The following ETFA variants were observed in gnomAD, a reference collection of about 807,000 sequenced individuals.
ETFA encodes the protein electron transfer flavoprotein subunit alpha.
Under a neutral mutation model 46.2 loss-of-function variants are expected in ETFA, and 22 were observed. The observed-to-expected ratio is 0.48, with a 90% confidence interval of 0.34 to 0.68. The LOEUF is 0.68. ETFA is among the 30% of genes least tolerant of loss of function. The pLI is 0.01. For missense variants in ETFA, 345 were observed against 401.1 expected (o/e 0.86, Z 1.19); for synonymous variants, 131 against 139.9 (o/e 0.94, Z 0.45).
At chr15:76,299,595 T>G (rs999516901) in intron 1 of ETFA, among the ~76,000 whole-genome samples, 2 of 152,170 alleles carry the variant, frequency 1.3e-5, no homozygotes, top group Non-Finnish European at 2.9e-5. Context: ...TGATGTTTCT[T>G]AAACTGCCAA....
At chr15:76,254,489 G>C (rs575092360) in intron 9 of ETFA, among the ~76,000 whole-genome samples, 1 of 152,192 alleles carries the variant, frequency 6.6e-6, no homozygotes, top group Non-Finnish European at 1.5e-5. Context: ...AACGTATTCA[G>C]TGTCTGTACA....
intron 9 of ETFA, among the ~76,000 whole-genome samples, chr15:76,264,485 G>GA (rs2039450679): frequency 1.3e-5 from 2 of 152,128 alleles, no homozygotes; most frequent in South Asian, 4.1e-4. Flanking sequence ...GTTACAGGGG[G>GA]AAAAATATCC....
chr15:76,244,759 C>G (rs1235157362), intron 9 of ETFA, among the ~76,000 whole-genome samples: 1 of 152,056 alleles, frequency 6.6e-6, no homozygotes, highest in Non-Finnish European at 1.5e-5. Context: ...ACGACAAAGA[C>G]TGCTGTCTAC....
Position 76,274,235 on chromosome 15 carries a change from G to A in ETFA, c.816+177C>T, listed in dbSNP as rs564332696. The A allele has an allele frequency of 2.1e-3, 1,260 of 611,880 alleles. 3 individuals carry two copies. Among genetic ancestry groups the A allele is most frequent in the Non-Finnish European group, 2.6e-3 (875 of 338,866 alleles). 37.9% of individuals were successfully genotyped at this position (611,880 alleles called of 1,614,324 possible). ...ATAAGCTGGATTTAAGAACTGCTGGGCATTTTACTAGGATCAAGAACTACA... is the reference window on the plus strand; with the variant it reads ...ATAAGCTGGATTTAAGAACTGCTGGACATTTTACTAGGATCAAGAACTACA... On this transcript the variant is annotated intron_variant, in intron 9 of 11. Coordinates refer to ENST00000557943, the MANE Select transcript of ETFA (RefSeq NM_000126.4).
At chr15:76,270,896 A>T (rs980329560) in intron 9 of ETFA, among the ~76,000 whole-genome samples, 1 of 152,178 alleles carries the variant, frequency 6.6e-6, no homozygotes, top group African/African-American at 2.4e-5. Context: ...TTGGCCGGGC[A>T]TAGTGGCTCA....
At chr15:76,288,920 C>CT (rs35295593) in intron 4 of ETFA, among the ~76,000 whole-genome samples, 12,117 of 110,036 alleles carry the variant, frequency 0.11, 967 homozygotes, top group Middle Eastern at 0.2. Context: ...TCTTCTTCTT[C>CT]TTTTTTTTTT....
chr15:76,251,020 TAAAAA>T (rs751883642), intron 9 of ETFA, among the ~76,000 whole-genome samples: 1 of 151,516 alleles, frequency 6.6e-6, no homozygotes, highest in African/African-American at 2.4e-5. Context: ...AACTTTTAAA[TAAAAA>T]GAAAAGAATG....
Position 76,287,905 on chromosome 15 carries a change from G to A in ETFA, c.392C>T (p.Pro131Leu), listed in dbSNP as rs1323414196. The change falls in exon 5 of 12, where the codon CCG becomes CTG. Residue 131 changes from proline (P) to leucine (L), a missense_variant. By Grantham distance (98) the Pro-to-Leu change is moderately conservative. Transcript: ENST00000557943. ...CTTGATTGCAATGATGTCAGAAATC[G>A]GGGCAACCTCAAGTTTGGCTGCTAC... is the stretch of plus-strand genomic sequence containing the variant. The part of the protein sequence containing the change: ...PRVAAKLEVA[P>L]ISDIIAIKSP... 8.1e-6 allele frequency: 13 copies of A among 1,613,774 alleles called. No homozygotes were observed. The highest frequency in any genetic ancestry group is 1.6e-4 in the Middle Eastern group (1 of 6,082).
Position 76,246,690 on chromosome 15 carries a change from G to A in ETFA, c.817-15292C>T, listed in dbSNP as rs571482918. Reference sequence around the variant, plus strand: ...ACTAAAAATACAAAAAAAATTAGCCGGGCGTGGTGGCAGGCACCTGTAGTC... The same window carrying A: ...ACTAAAAATACAAAAAAAATTAGCCAGGCGTGGTGGCAGGCACCTGTAGTC... On this transcript the variant is annotated intron_variant, in intron 9 of 11. Coordinates refer to ENST00000557943, the MANE Select transcript of ETFA (RefSeq NM_000126.4). Among the ~76,000 whole-genome samples, 273 of 152,052 alleles carry A rather than the reference G, an allele frequency of 1.8e-3. 3 individuals carry two copies. The highest frequency in any genetic ancestry group is 6.3e-3 in the African/African-American group (262 of 41,506).
intron 1 of ETFA, among the ~76,000 whole-genome samples, chr15:76,309,368 G>T (rs543981492): frequency 1.3e-5 from 2 of 152,244 alleles, no homozygotes; most frequent in African/African-American, 4.8e-5. Flanking sequence ...GGAGAATGGC[G>T]TGAACCCGGG....
intron 8 of ETFA, among the ~76,000 whole-genome samples, chr15:76,279,119 A>C (rs2039623642): frequency 6.6e-6 from 1 of 152,074 alleles, no homozygotes; most frequent in Non-Finnish European, 1.5e-5. Flanking sequence ...AAATCCCTCA[A>C]AAAGTTATCT....
intron 1 of ETFA, among the ~76,000 whole-genome samples, chr15:76,299,864 T>C (rs2039863547): frequency 6.6e-6 from 1 of 152,206 alleles, no homozygotes; most frequent in Non-Finnish European, 1.5e-5. Flanking sequence ...TTCCCAGTCA[T>C]GTCTCCAGCT....
chr15:76,293,088 G>T (rs1161978296), intron 2 of ETFA, among the ~76,000 whole-genome samples: 1 of 152,212 alleles, frequency 6.6e-6, no homozygotes, highest in African/African-American at 2.4e-5. Flanking sequence ...AGTGAGCCAA[G>T]ATCACACCAC....
chr15:76,283,915 C>CT, intron 7 of ETFA, 90 bp from the exon 8 acceptor site: 1 of 879,502 alleles, frequency 1.1e-6, no homozygotes, highest in Non-Finnish European at 1.9e-6. Flanking sequence ...AGTAAATTTT[C>CT]ATATTATGTA....
In ETFA at chr15:76,293,138, A is replaced by G. The variant is rs576875459; in HGVS notation, c.187-438T>C. 2.0e-5 allele frequency among the ~76,000 whole-genome samples: 3 copies of G among 152,286 alleles called. No individual in the cohort carries two copies. In the South Asian group the frequency reaches 6.2e-4, roughly 32 times the overall value. On this transcript the variant is annotated intron_variant, in intron 2 of 11. Coordinates refer to ENST00000557943, the MANE Select transcript of ETFA (RefSeq NM_000126.4). ...GGCGAAAGAGTGAAACTCCATCTCA[A>G]ACAAACAAAGAATTAAAATATTAAA... is the stretch of plus-strand genomic sequence containing the variant.
chr15:76,275,511 T>C (rs2039582130), intron 8 of ETFA, among the ~76,000 whole-genome samples: 1 of 152,224 alleles, frequency 6.6e-6, no homozygotes, highest in Non-Finnish European at 1.5e-5. Context: ...GTGGGTTTCT[T>C]GTAGACACCA....
intron 9 of ETFA, among the ~76,000 whole-genome samples, chr15:76,231,634 A>G (rs1037208243): frequency 6.6e-6 from 1 of 152,194 alleles, no homozygotes; most frequent in African/African-American, 2.4e-5. Flanking sequence ...AATGAGGATT[A>G]CTGAACATTT....
At chr15:76,267,711 AGCTTTATT>A (rs2039485455) in intron 9 of ETFA, among the ~76,000 whole-genome samples, 3 of 152,258 alleles carry the variant, frequency 2.0e-5, no homozygotes, top group Admixed American at 1.3e-4. Flanking sequence ...AATTGCATTT[AGCTTTATT>A]AACATTAAAG....
At chr15:76,251,185 G>A (rs1035184498) in intron 9 of ETFA, among the ~76,000 whole-genome samples, 2 of 152,078 alleles carry the variant, frequency 1.3e-5, no homozygotes, top group African/African-American at 4.8e-5. Flanking sequence ...GCCAATAGAG[G>A]AGAGACTCTG....
Sources: allele counts gnomAD v4.1 joint callset (sites outside exome capture counted in the v4.1 genomes callset), GRCh38; gene constraint gnomAD v4.1.1; transcripts MANE v1.5; gene names NCBI Gene and HGNC (gene_info 2026-07-23, HGNC 2026-07-21).